The following GRIK3 variants were observed in gnomAD, a reference collection of about 807,000 sequenced individuals.
GRIK3 encodes the protein glutamate receptor ionotropic, kainate 3.
GRIK3 carries 29 observed loss-of-function variants against 102.5 expected under a neutral mutation model. The ratio of observed to expected loss-of-function variants is 0.28; its 90% CI spans 0.21 to 0.39. The LOEUF is 0.39. Among genes scored for constraint, GRIK3 ranks in the 10% least tolerant of loss-of-function variants. The pLI is 1.00. For missense variants in GRIK3, 908 were observed against 1,252.4 expected (o/e 0.73, Z 4.15); for synonymous variants, 511 against 504.9 (o/e 1.01, Z -0.16).
intron 5 of GRIK3, among the ~76,000 whole-genome samples, chr1:36,869,094 C>T (rs1640816579): frequency 6.6e-6 from 1 of 152,180 alleles, no homozygotes. Context: ...AGGATGGGTG[C>T]CCTTTTGGCA....
At chr1:36,926,209 C>A (rs747223566) in intron 1 of GRIK3, among the ~76,000 whole-genome samples, 10 of 152,152 alleles carry the variant, frequency 6.6e-5, no homozygotes, top group Non-Finnish European at 1.3e-4. Flanking sequence ...TGTTTGTGGT[C>A]CTGACAAAAA....
intron 1 of GRIK3, among the ~76,000 whole-genome samples, chr1:36,894,645 C>G (rs758022616): frequency 2.0e-5 from 3 of 152,164 alleles, no homozygotes; most frequent in Non-Finnish European, 4.4e-5. Flanking sequence ...ATTAATGGAG[C>G]AGAAACCTCC....
At chr1:36,990,234 C>T (rs1642349963) in intron 1 of GRIK3, among the ~76,000 whole-genome samples, 1 of 152,180 alleles carries the variant, frequency 6.6e-6, no homozygotes, top group Non-Finnish European at 1.5e-5. Flanking sequence ...ATGAGCCAGC[C>T]TTGACAGTCA....
At chr1:36,848,672 T>G (rs1640545985) in intron 9 of GRIK3, among the ~76,000 whole-genome samples, 1 of 152,152 alleles carries the variant, frequency 6.6e-6, no homozygotes, top group South Asian at 2.1e-4. Flanking sequence ...CCCTCCTTTA[T>G]CTTTTCTATT....
rs201389217 is a variant in GRIK3, at chr1:36,825,564, C to T, written c.1754+39G>A. 1,016 of 1,435,508 alleles carry T rather than the reference C, an allele frequency of 7.1e-4. 3 individuals are homozygous for T. The highest frequency in any genetic ancestry group is 6.0e-3 in the Middle Eastern group (25 of 4,138). 88.9% of individuals were successfully genotyped at this position (1,435,508 alleles called of 1,614,324 possible). On this transcript the variant is annotated intron_variant, in intron 11 of 15. Transcript: ENST00000373091. ...AGGACCTGCCTAACCCCTAGACCTT[C>T]AACCTTGGGCCCGATGTCTGGCCAA... is the stretch of plus-strand genomic sequence containing the variant.
intron 1 of GRIK3, among the ~76,000 whole-genome samples, chr1:36,980,198 G>T (rs1642235168): frequency 6.6e-6 from 1 of 152,094 alleles, no homozygotes; most frequent in South Asian, 2.1e-4. Flanking sequence ...ACCTGATCAG[G>T]CCATAACCCT....
At chr1:37,033,003 A>G (rs78307293) in intron 1 of GRIK3, among the ~76,000 whole-genome samples, 1 of 152,266 alleles carries the variant, frequency 6.6e-6, no homozygotes, top group East Asian at 1.9e-4. Context: ...GCGCCGAGTG[A>G]ACCCAGGCGG....
chr1:37,018,622 T>G (rs1642678041), intron 1 of GRIK3, among the ~76,000 whole-genome samples: 1 of 152,164 alleles, frequency 6.6e-6, no homozygotes, highest in Non-Finnish European at 1.5e-5. Flanking sequence ...GAAGAGCCCC[T>G]GACCCTCCTT....
chr1:36,954,254 A>G (rs1290366290), intron 1 of GRIK3, among the ~76,000 whole-genome samples: 1 of 152,144 alleles, frequency 6.6e-6, no homozygotes, highest in African/African-American at 2.4e-5. Flanking sequence ...GAGCTCCAGG[A>G]TCTTGCCACT....
intron 13 of GRIK3, among the ~76,000 whole-genome samples, chr1:36,813,747 C>T (rs754090672): frequency 4.7e-5 from 3 of 64,226 alleles, no homozygotes; most frequent in South Asian, 4.3e-4. Context: ...GGACCTTCAG[C>T]GGGGGCGGGG....
intron 1 of GRIK3, among the ~76,000 whole-genome samples, chr1:36,999,707 G>A (rs1007553265): frequency 6.6e-6 from 1 of 152,208 alleles, no homozygotes; most frequent in African/African-American, 2.4e-5. Context: ...CAATCACAGT[G>A]CCCCTTGTGG....
chr1:37,025,621 C>A (rs2124084352), intron 1 of GRIK3, among the ~76,000 whole-genome samples: 1 of 152,330 alleles, frequency 6.6e-6, no homozygotes, highest in East Asian at 1.9e-4. Flanking sequence ...TATTTCAGTT[C>A]TGCAAAGCAG....
At chr1:36,879,557 C>G (rs947175968) in intron 3 of GRIK3, among the ~76,000 whole-genome samples, 1 of 152,152 alleles carries the variant, frequency 6.6e-6, no homozygotes, top group Non-Finnish European at 1.5e-5. Flanking sequence ...AGTGCGTTTG[C>G]TGGGTTTGTT....
chr1:36,844,000 G>T (rs1301891208), intron 9 of GRIK3, among the ~76,000 whole-genome samples: 1 of 152,264 alleles, frequency 6.6e-6, no homozygotes, highest in South Asian at 2.1e-4. Context: ...GAAGACCTTT[G>T]TCAGAGGTCC....
chr1:36,994,447 A>G (rs1038792163), intron 1 of GRIK3, among the ~76,000 whole-genome samples: 15 of 152,230 alleles, frequency 9.9e-5, no homozygotes, highest in Non-Finnish European at 1.0e-4. Context: ...AAGTTACTTA[A>G]CCTCTCTGTT....
chr1:36,960,542 G>C (rs547034367), intron 1 of GRIK3, among the ~76,000 whole-genome samples: 1 of 152,328 alleles, frequency 6.6e-6, no homozygotes, highest in Non-Finnish European at 1.5e-5. Flanking sequence ...GAAGGGACCT[G>C]GGATGGCTAA....
intron 1 of GRIK3, among the ~76,000 whole-genome samples, chr1:36,941,581 C>T: frequency 6.6e-6 from 1 of 151,942 alleles, no homozygotes; most frequent in East Asian, 1.9e-4. Context: ...ATAAAGGCGC[C>T]CCTCCCACCG....
Position 37,017,733 on chromosome 1 carries a change from A to T in GRIK3, c.115+16261T>A, listed in dbSNP as rs550495611. On this transcript the variant is annotated intron_variant, in intron 1 of 15. Coordinates refer to ENST00000373091, the MANE Select transcript of GRIK3 (RefSeq NM_000831.4). The stretch of plus-strand genomic sequence containing the variant: ...TTTGCTTGCTTTTAGCTGTTTTTTT[A>T]AAAAGACTCTCTCCAACCTCACTAG... 1.8e-4 allele frequency among the ~76,000 whole-genome samples: 28 copies of T among 152,234 alleles called. No homozygotes were observed. The East Asian group carries it at 4.8e-3, about 26-fold the overall frequency.
intron 1 of GRIK3, among the ~76,000 whole-genome samples, chr1:36,924,584 A>T (rs899282391): frequency 5.9e-5 from 9 of 152,200 alleles, no homozygotes; most frequent in African/African-American, 2.2e-4. Context: ...AGGGAGGCAC[A>T]GCCAGAGCCT....
Sources: allele counts gnomAD v4.1 joint callset (sites outside exome capture counted in the v4.1 genomes callset), GRCh38; gene constraint gnomAD v4.1.1; transcripts MANE v1.5; gene names NCBI Gene and HGNC (gene_info 2026-07-23, HGNC 2026-07-21).